The following KIAA0319 variants were observed in gnomAD, a reference collection of about 807,000 sequenced individuals.
The protein encoded by KIAA0319 is dyslexia-associated protein KIAA0319.
A neutral mutation model predicts 108.4 loss-of-function variants in KIAA0319; 83 were observed. The ratio of observed to expected loss-of-function variants is 0.77; its 90% CI spans 0.64 to 0.92. The LOEUF is 0.92. Among genes scored for constraint, KIAA0319 ranks in the 40% least tolerant of loss-of-function variants. KIAA0319 has a pLI of 0.00. For synonymous variants in KIAA0319, 484 were observed against 510.4 expected, an observed-to-expected ratio of 0.95 and a Z score of 0.70; for missense variants, 1,195 against 1,322.4, an observed-to-expected ratio of 0.90 and a Z score of 1.49.
chr6:24,556,236 G>A (rs1762272619), intron 18 of KIAA0319, among the ~76,000 whole-genome samples: 1 of 147,300 alleles, frequency 6.8e-6, no homozygotes, highest in African/African-American at 2.5e-5. Context: ...TTTGAGACAG[G>A]GTCTCACTCT....
At chr6:24,598,778 A>T (rs986538159) in intron 2 of KIAA0319, 29 of 254,074 alleles carry the variant, frequency 1.1e-4, no homozygotes, top group African/African-American at 5.8e-4. Flanking sequence ...CGGGAGGCTG[A>T]GGCAGGAGAA....
In KIAA0319 at chr6:24,572,650, A is replaced by G. The variant is rs199526875; in HGVS notation, c.1783T>C (p.Tyr595His). Reference sequence around the variant, plus strand: ...TCTGTCACCTTCAGCTGAAATGTATAATCTCCTTCCTGCATTGCAGATAAA... The same window carrying G: ...TCTGTCACCTTCAGCTGAAATGTATGATCTCCTTCCTGCATTGCAGATAAA... ...LHLSAMQEGDYTFQLKVTDSS... is the reference protein window; with the variant it reads ...LHLSAMQEGDHTFQLKVTDSS... Residue 595 changes from tyrosine (Y) to histidine (H), a missense_variant, in exon 11 of 21, where the codon TAT (tyrosine) becomes CAT (histidine). Coordinates refer to ENST00000378214, the MANE Select transcript of KIAA0319 (RefSeq NM_014809.4). 6.2e-7 allele frequency: 1 copy of G among 1,613,852 alleles called. No individual in the cohort carries two copies. The highest frequency in any genetic ancestry group is 8.5e-7 in the Non-Finnish European group (1 of 1,179,868).
At chr6:24,636,522 A>G (rs1220795295) in intron 1 of KIAA0319, among the ~76,000 whole-genome samples, 1 of 152,244 alleles carries the variant, frequency 6.6e-6, no homozygotes, top group African/African-American at 2.4e-5. Flanking sequence ...CTCCTATTAG[A>G]GCAACATGAA....
chr6:24,578,989 T>C (rs1765950856), intron 8 of KIAA0319, among the ~76,000 whole-genome samples: 1 of 152,226 alleles, frequency 6.6e-6, no homozygotes, highest in African/African-American at 2.4e-5. Flanking sequence ...TTTGAGTAGA[T>C]GCAAATGGTC....
At position 24,595,563 on chromosome 6, in the gene KIAA0319, A is replaced by AAAC. The variant is rs1554164884; in HGVS notation, c.801+309_801+310insGTT. Among the ~76,000 whole-genome samples the AAAC allele has an allele frequency of 6.2e-3, 894 of 143,072 alleles. 17 individuals carry two copies. Among genetic ancestry groups the AAAC allele is most frequent in the East Asian group, 0.03 (144 of 4,822 alleles). 93.9% of individuals were successfully genotyped at this position (143,072 alleles called of 152,430 possible). ...TTCAATCTCAAAAAAAAAAAAAAAA[A>AAAC]AAAAAAACGCTACAGGCATTTCTAG... On this transcript the variant is annotated intron_variant, in intron 3 of 20. Coordinates refer to ENST00000378214, the MANE Select transcript of KIAA0319 (RefSeq NM_014809.4).
At chr6:24,566,880 G>C in intron 13 of KIAA0319, 132 bp from the exon 14 acceptor site, 1 of 784,636 alleles carries the variant, frequency 1.3e-6, no homozygotes, top group Non-Finnish European at 1.9e-6. Context: ...TATCCAAAAA[G>C]GCATTTTTTT....
intron 12 of KIAA0319, 69 bp downstream of exon 12, chr6:24,569,834 C>T (rs1326422093): frequency 5.2e-6 from 8 of 1,553,148 alleles, no homozygotes; most frequent in Non-Finnish European, 6.1e-6. Context: ...TACTACAGAT[C>T]CTCCAGAGAA....
intron 19 of KIAA0319, among the ~76,000 whole-genome samples, chr6:24,553,112 A>T (rs1391033079): frequency 6.6e-6 from 1 of 151,822 alleles, no homozygotes; most frequent in Non-Finnish European, 1.5e-5. Flanking sequence ...TGGCGGTGTT[A>T]TTGCCTCGCT....
intron 1 of KIAA0319, among the ~76,000 whole-genome samples, chr6:24,622,815 G>A (rs1326819840): frequency 3.9e-5 from 6 of 152,258 alleles, no homozygotes; most frequent in South Asian, 2.1e-4. Flanking sequence ...AGGCCGAGGC[G>A]AGAGGATCAC....
intron 4 of KIAA0319, 129 bp downstream of exon 4, chr6:24,588,464 C>T (rs558595026): frequency 9.6e-5 from 72 of 752,778 alleles, no homozygotes; most frequent in Middle Eastern, 4.0e-4. Flanking sequence ...TATGCAGCAC[C>T]GTTTCTGGCA....
intron 1 of KIAA0319, among the ~76,000 whole-genome samples, chr6:24,626,084 A>G (rs1774672696): frequency 6.6e-6 from 1 of 152,250 alleles, no homozygotes; most frequent in Admixed American, 6.5e-5. Flanking sequence ...AGTGAAAGAA[A>G]TCAGACACAA....
chr6:24,571,150 C>A (rs1764666083), intron 11 of KIAA0319, among the ~76,000 whole-genome samples: 1 of 151,770 alleles, frequency 6.6e-6, no homozygotes, highest in Non-Finnish European at 1.5e-5. Context: ...CAAGATCATG[C>A]CACTGCACTC....
intron 1 of KIAA0319, among the ~76,000 whole-genome samples, chr6:24,609,329 A>C (rs1455594917): frequency 6.6e-6 from 1 of 151,360 alleles, no homozygotes; most frequent in Non-Finnish European, 1.5e-5. Context: ...GTGGAATCCC[A>C]GCACTTTGGG....
chr6:24,620,309 T>G (rs1243002980), intron 1 of KIAA0319, among the ~76,000 whole-genome samples: 1 of 152,164 alleles, frequency 6.6e-6, no homozygotes, highest in Non-Finnish European at 1.5e-5. Flanking sequence ...TAGTTGTGTT[T>G]TTGTTTTTTG....
In KIAA0319 at chr6:24,627,813, GTTAA is replaced by G. The variant is rs773695104; in HGVS notation, c.-106+17919_-106+17922del. ...AGTACAGATAATTATCTAATGAACTGTTAATTAATCCACAGAAGACAATCTAGAA... is the reference window on the plus strand; with the variant it reads ...AGTACAGATAATTATCTAATGAACTGTTAATCCACAGAAGACAATCTAGAA... On this transcript the variant is annotated intron_variant, in intron 1 of 20. Transcript: ENST00000378214. Among the ~76,000 whole-genome samples, 5 of 152,324 alleles carry G rather than the reference GTTAA, an allele frequency of 3.3e-5. No individual in the cohort carries two copies. In the East Asian group the frequency reaches 7.7e-4, roughly 24 times the overall value.
intron 19 of KIAA0319, among the ~76,000 whole-genome samples, chr6:24,553,280 T>TAC (rs1561912705): frequency 1.3e-5 from 1 of 78,888 alleles, no homozygotes; most frequent in Non-Finnish European, 2.7e-5. Flanking sequence ...GATAGATATA[T>TAC]ATATATATAT....
At chr6:24,595,653 C>A (rs1056035003) in intron 3 of KIAA0319, among the ~76,000 whole-genome samples, 1 of 151,566 alleles carries the variant, frequency 6.6e-6, no homozygotes, top group Non-Finnish European at 1.5e-5. Flanking sequence ...TTTTAACAGC[C>A]TGGCCATGGA....
intron 4 of KIAA0319, among the ~76,000 whole-genome samples, chr6:24,584,431 TAAAA>T (rs5874993): frequency 1.1e-5 from 1 of 91,272 alleles, no homozygotes; most frequent in African/African-American, 4.6e-5. Flanking sequence ...AGCAAAGATT[TAAAA>T]AAAAAAAAAA....
chr6:24,557,276 T>C (rs977413380), intron 17 of KIAA0319, among the ~76,000 whole-genome samples: 2 of 151,682 alleles, frequency 1.3e-5, no homozygotes, highest in African/African-American at 4.9e-5. Context: ...CCAAGGTGAG[T>C]GGATCACTTG....
Sources: gnomAD v4.1 joint callset for allele counts (sites outside exome capture counted in the v4.1 genomes callset) on GRCh38, gnomAD v4.1.1 for gene constraint, MANE v1.5 for transcripts, NCBI Gene and HGNC (gene_info 2026-07-23, HGNC 2026-07-21) for gene names.